The following FAP variants were observed in gnomAD, a reference collection of about 807,000 sequenced individuals.
FAP encodes fibroblast activation protein alpha, also known as prolyl endopeptidase FAP.
A neutral mutation model predicts 126.5 loss-of-function variants in FAP; 110 were observed. The ratio of observed to expected loss-of-function variants is 0.87; its 90% CI spans 0.74 to 1.02. The LOEUF is 1.02. Ranked by LOEUF, FAP falls within the 50% of genes least tolerant of loss-of-function variation. The probability of loss-of-function intolerance (pLI) is 0.00; values close to 1 mark genes in which losing one functional copy is unlikely to be tolerated. For missense variants in FAP, 919 were observed against 909.2 expected (o/e 1.01, Z -0.14); for synonymous variants, 334 against 297.3 (o/e 1.12, Z -1.27).
intron 5 of FAP, among the ~76,000 whole-genome samples, chr2:162,224,063 A>G (rs1317859886): frequency 6.6e-6 from 1 of 152,174 alleles, no homozygotes; most frequent in African/African-American, 2.4e-5. Context: ...CATTCTAATT[A>G]TACCCTTTAA....
At chr2:162,174,269 A>C (rs1359838048) in intron 22 of FAP, among the ~76,000 whole-genome samples, 1 of 152,140 alleles carries the variant, frequency 6.6e-6, no homozygotes, top group East Asian at 1.9e-4. Flanking sequence ...ATCCCCTACA[A>C]GTCACAATTG....
At chr2:162,224,335 A>C in intron 5 of FAP, 131 bp downstream of exon 5, 1 of 601,678 alleles carries the variant, frequency 1.7e-6, no homozygotes, top group African/African-American at 1.9e-5. Flanking sequence ...TATCATGCTG[A>C]AGATTATTGG....
At chr2:162,198,267 C>T in intron 16 of FAP, 2 of 1,289,952 alleles carry the variant, frequency 1.6e-6, no homozygotes, top group South Asian at 2.5e-5. Flanking sequence ...CCGACGTGGG[C>T]ATCTCGGGTT....
chr2:162,218,592 GATAGATAGATAA>G (rs1292791661), intron 8 of FAP, among the ~76,000 whole-genome samples: 23 of 151,676 alleles, frequency 1.5e-4, no homozygotes, highest in African/African-American at 5.6e-4. Context: ...TAGATAGATA[GATAGATAGATAA>G]ATAGATAGAG....
At chr2:162,185,598 G>C (rs1559764401) in intron 20 of FAP, among the ~76,000 whole-genome samples, 1 of 152,090 alleles carries the variant, frequency 6.6e-6, no homozygotes, top group Non-Finnish European at 1.5e-5. Context: ...AAGACGATAT[G>C]ACTTCTTTTT....
Position 162,174,939 on chromosome 2 carries a change from C to A in FAP, c.1897G>T (p.Ala633Ser), listed in dbSNP as rs1687433804. 3 of 1,612,574 alleles carry A rather than the reference C, an allele frequency of 1.9e-6. No individual in the cohort carries two copies. The highest frequency in any genetic ancestry group is 1.7e-4 in the Middle Eastern group (1 of 6,046). Residue 633 changes from alanine (A) to serine (S), a missense_variant, in exon 22 of 26, where the codon GCC becomes TCC. By Grantham distance (99) the Ala-to-Ser change is moderately conservative (BLOSUM62 1). Transcript: ENST00000188790. ...WSYGGYVSSL[A>S]LASGTGLFKC... ...AAAAGACCAGTTCCAGATGCAAGGG[C>A]CAGTGATGAAACGTATCCTCCATAG...
At chr2:162,204,847 G>A (rs1401697603) in intron 12 of FAP, among the ~76,000 whole-genome samples, 1 of 152,128 alleles carries the variant, frequency 6.6e-6, no homozygotes, top group Non-Finnish European at 1.5e-5. Context: ...ATAAGCAGAA[G>A]GCCATTAACC....
rs1689282515 is a variant in FAP, at chr2:162,219,173, T to C, written c.497A>G (p.Tyr166Cys). ...SPVGSKLAYV[Y>C]QNNIYLKQRP... ...TTGTTTCAAATAGATATTGTTTTGA[T>C]AGACATATGCCTAAAAGTGGTGGTA... The change falls in exon 8 of 26, where the codon TAT (tyrosine) becomes TGT (cysteine). Residue 166 changes from tyrosine to cysteine, a missense_variant. Physicochemically the swap from Tyr to Cys is radical, Grantham distance 194. Transcript: ENST00000188790. The C allele has an allele frequency of 1.9e-6, 3 of 1,606,168 alleles. No homozygotes were observed. In the East Asian group the frequency reaches 6.7e-5, roughly 36 times the overall value.
chr2:162,194,813 G>T, intron 16 of FAP, 65 bp from the exon 17 acceptor site: 1 of 1,406,104 alleles, frequency 7.1e-7, no homozygotes, highest in Non-Finnish European at 1.0e-6. Flanking sequence ...TTCAAGACGG[G>T]CTGCTGGTAG....
intron 21 of FAP, among the ~76,000 whole-genome samples, chr2:162,182,251 C>G (rs1381442439): frequency 6.6e-6 from 1 of 152,116 alleles, no homozygotes; most frequent in African/African-American, 2.4e-5. Context: ...TCAAAGCCTG[C>G]AGCAAAAGCA....
chr2:162,223,794 T>C (rs1037920594), intron 5 of FAP, 134 bp from the exon 6 acceptor site: 13 of 627,456 alleles, frequency 2.1e-5, no homozygotes, highest in African/African-American at 7.5e-5. Context: ...CTAGGAAGAA[T>C]ATGTTTCAAT....
chr2:162,180,089 G>A (rs1435586644), intron 21 of FAP, among the ~76,000 whole-genome samples: 3 of 151,988 alleles, frequency 2.0e-5, no homozygotes, highest in East Asian at 1.9e-4. Context: ...TTACAGGCAT[G>A]AGGCACCACT....
intron 10 of FAP, 104 bp from the exon 11 acceptor site, chr2:162,214,177 T>A: frequency 3.1e-6 from 3 of 971,042 alleles, no homozygotes; most frequent in Non-Finnish European, 4.4e-6. Flanking sequence ...TTATTATACA[T>A]TACTTATTTA....
intron 13 of FAP, 33 bp from the exon 14 acceptor site, chr2:162,202,975 CTG>C (rs1379671392): frequency 3.7e-6 from 6 of 1,606,294 alleles, no homozygotes; most frequent in South Asian, 1.1e-5. Context: ...TTGTGTGAAA[CTG>C]AGCGTTATTT....
In FAP at chr2:162,198,285, C is replaced by T. The variant is rs1404587466; in HGVS notation, c.1402+472G>A. On this transcript the variant is annotated intron_variant, in intron 16 of 25. Transcript: ENST00000188790. ...ACGTGGGCATCTCGGGTTTCCAAGC[C>T]GTTGTTCATTCCCCTGGATGTGAGA... 7.0e-6 allele frequency: 9 copies of T among 1,289,748 alleles called. No individual in the cohort carries two copies. The Admixed American group carries it at 1.4e-4, about 20-fold the overall frequency. 79.9% of individuals were successfully genotyped at this position (1,289,748 alleles called of 1,614,324 possible).
intron 20 of FAP, among the ~76,000 whole-genome samples, chr2:162,186,773 T>C (rs1272816094): frequency 6.6e-6 from 1 of 152,074 alleles, no homozygotes; most frequent in East Asian, 1.9e-4. Flanking sequence ...TGAGCCATGG[T>C]GCTAAAAAAA....
chr2:162,187,632 A>G (rs567673596), intron 20 of FAP, among the ~76,000 whole-genome samples: 1 of 152,244 alleles, frequency 6.6e-6, no homozygotes, highest in South Asian at 2.1e-4. Context: ...TGTTTTCATA[A>G]TATAATTTCT....
In FAP at chr2:162,224,537, T is replaced by C; in HGVS notation, c.289A>G (p.Ser97Gly). ...AAGCCGTAATTTGAAGCATTCACAC[T>C]TTTCTGAAATTATGAAGAGGTTGAT... ...YTILSNRTMK[S>G]VNASNYGLSP... Residue 97 changes from serine (S) to glycine (G), a missense_variant, in exon 5 of 26, where the codon AGT (serine) becomes GGT (glycine). By Grantham distance (56) the Ser-to-Gly change is moderately conservative. Transcript: ENST00000188790. The C allele has an allele frequency of 6.3e-7, 1 of 1,583,502 alleles. No individual in the cohort carries two copies. Among genetic ancestry groups the C allele is most frequent in the Non-Finnish European group, 8.6e-7 (1 of 1,164,918 alleles).
chr2:162,184,630 G>T (rs1687803377), intron 20 of FAP, among the ~76,000 whole-genome samples: 1 of 152,170 alleles, frequency 6.6e-6, no homozygotes, highest in African/African-American at 2.4e-5. Flanking sequence ...GAGAAGAAAT[G>T]CAGTAGCAAA....
Sources: gnomAD v4.1 joint callset for allele counts (sites outside exome capture counted in the v4.1 genomes callset) on GRCh38, gnomAD v4.1.1 for gene constraint, MANE v1.5 for transcripts, NCBI Gene and HGNC (gene_info 2026-07-23, HGNC 2026-07-21) for gene names.